The following VTI1A variants were observed in gnomAD, a reference collection of about 807,000 sequenced individuals.
The protein encoded by VTI1A is vesicle transport through interaction with t-SNAREs 1A, also known as vesicle transport through interaction with t-SNAREs homolog 1A.
VTI1A carries 22 observed loss-of-function variants against 34.9 expected under a neutral mutation model. That is an observed-to-expected ratio of 0.63 (90% confidence interval 0.45 to 0.90). VTI1A has a LOEUF of 0.90. Ranked by LOEUF, VTI1A falls within the 40% of genes least tolerant of loss-of-function variation. VTI1A has a pLI of 0.00. For missense variants in VTI1A, 268 were observed against 275.6 expected, an observed-to-expected ratio of 0.97 and a Z score of 0.20; for synonymous variants, 87 against 97.3, an observed-to-expected ratio of 0.89 and a Z score of 0.62.
rs117393156 is a variant in VTI1A at position 112,466,998 on chromosome 10, C to T, written c.264+2341C>T. On this transcript the variant is annotated intron_variant, in intron 3 of 7. Transcript: ENST00000393077. Reference sequence around the variant, plus strand: ...CAGTCGTATTGAATTAAGGCCCACACGAATGACATCATTGTAATGTAATCA... The same window carrying T: ...CAGTCGTATTGAATTAAGGCCCACATGAATGACATCATTGTAATGTAATCA... Among the ~76,000 whole-genome samples the T allele has an allele frequency of 6.8e-3, 1,037 of 152,226 alleles. 5 individuals are homozygous for T. The highest frequency in any genetic ancestry group is 0.011 in the Non-Finnish European group (767 of 68,014).
intron 7 of VTI1A, among the ~76,000 whole-genome samples, chr10:112,698,490 C>T (rs1848873542): frequency 6.6e-6 from 1 of 152,156 alleles, no homozygotes; most frequent in Non-Finnish European, 1.5e-5. Context: ...ATTCTAGCTT[C>T]AGTTTTTTTA....
intron 7 of VTI1A, among the ~76,000 whole-genome samples, chr10:112,758,884 G>A (rs1006341668): frequency 2.0e-5 from 3 of 152,098 alleles, no homozygotes; most frequent in Non-Finnish European, 4.4e-5. Context: ...TCTTCCTTTC[G>A]AAACCAGCCG....
intron 5 of VTI1A, among the ~76,000 whole-genome samples, chr10:112,554,299 C>T (rs1440503364): frequency 6.6e-6 from 1 of 152,156 alleles, no homozygotes; most frequent in Non-Finnish European, 1.5e-5. Flanking sequence ...CCCAGAGGAA[C>T]TTAAGGAAAC....
At chr10:112,653,259 C>T (rs1254067243) in intron 5 of VTI1A, among the ~76,000 whole-genome samples, 1 of 152,162 alleles carries the variant, frequency 6.6e-6, no homozygotes, top group Non-Finnish European at 1.5e-5. Flanking sequence ...ATGTTCCCTG[C>T]CTCCAGACCC....
intron 7 of VTI1A, among the ~76,000 whole-genome samples, chr10:112,796,125 G>A (rs867416121): frequency 2.6e-5 from 4 of 152,262 alleles, no homozygotes; most frequent in Non-Finnish European, 5.9e-5. Context: ...GGGGCCACGC[G>A]CGGTGGCTGC....
At chr10:112,805,930 C>T (rs569438512) in intron 7 of VTI1A, among the ~76,000 whole-genome samples, 3 of 152,296 alleles carry the variant, frequency 2.0e-5, no homozygotes, top group South Asian at 4.2e-4. Context: ...TTTGTTATGC[C>T]GGCCCTAGCA....
chr10:112,655,562 G>A (rs1054210260), intron 5 of VTI1A, among the ~76,000 whole-genome samples: 3 of 152,076 alleles, frequency 2.0e-5, no homozygotes, highest in African/African-American at 7.2e-5. Flanking sequence ...TTTTTTATTA[G>A]GAAGGGGAGG....
In VTI1A at chr10:112,811,712, A is replaced by AAAAAAAAAAAAAAGAT. The variant is rs67154330; in HGVS notation, c.561-3578_561-3577insAAAAAAAAAAAAAGAT. Among the ~76,000 whole-genome samples the AAAAAAAAAAAAAAGAT allele has an allele frequency of 8.3e-4, 70 of 84,044 alleles. 18 individuals carry two copies. The highest frequency in any genetic ancestry group is 2.0e-3 in the African/African-American group (42 of 21,078). The allele number at this position is 84,044 out of a possible 152,430, so 55.1% of individuals were successfully genotyped here. A position where few individuals can be genotyped will look rare whatever the true frequency, so the allele number is the denominator to read the frequency against. On this transcript the variant is annotated intron_variant, in intron 7 of 7. Transcript: ENST00000393077. ...AAAAAAAAAAAAAAAAAAAAAAAAA[A>AAAAAAAAAAAAAAGAT]GAGTGCAGTCCATGCCTGGAAGTAG...
At chr10:112,792,221 G>C (rs920929510) in intron 7 of VTI1A, among the ~76,000 whole-genome samples, 1 of 152,156 alleles carries the variant, frequency 6.6e-6, no homozygotes, top group Non-Finnish European at 1.5e-5. Flanking sequence ...GTTGCAGTGA[G>C]CCGAGATTGT....
chr10:112,484,964 C>CCT (rs1223488016), intron 3 of VTI1A: 2 of 151,526 alleles, frequency 1.3e-5, no homozygotes, highest in Non-Finnish European at 1.5e-5. Flanking sequence ...ATTTCTCTTA[C>CCT]CTAGGAATTA....
intron 5 of VTI1A, among the ~76,000 whole-genome samples, chr10:112,597,828 G>A (rs929295251): frequency 1.1e-4 from 17 of 151,032 alleles, no homozygotes; most frequent in African/African-American, 3.9e-4. Context: ...CTCCCGAGTA[G>A]CCGGGACCAC....
intron 7 of VTI1A, among the ~76,000 whole-genome samples, chr10:112,699,868 C>T (rs185271713): frequency 1.3e-5 from 2 of 151,022 alleles, no homozygotes; most frequent in Non-Finnish European, 2.9e-5. Flanking sequence ...CACCTGTAAT[C>T]CCAGCACTTT....
intron 3 of VTI1A, among the ~76,000 whole-genome samples, chr10:112,512,068 G>A (rs1391617218): frequency 1.3e-5 from 2 of 151,986 alleles, no homozygotes; most frequent in African/African-American, 2.4e-5. Flanking sequence ...CTTTTCCTTT[G>A]GGTAGATACT....
intron 5 of VTI1A, among the ~76,000 whole-genome samples, chr10:112,560,204 A>G (rs1851675764): frequency 6.6e-6 from 1 of 152,174 alleles, no homozygotes; most frequent in South Asian, 2.1e-4. Context: ...GAGAGTTTTT[A>G]TTACTGGATT....
chr10:112,783,079 C>T (rs1273634934), intron 7 of VTI1A, among the ~76,000 whole-genome samples: 1 of 151,966 alleles, frequency 6.6e-6, no homozygotes, highest in African/African-American at 2.4e-5. Flanking sequence ...TACATTTCCT[C>T]TCTCAAGTTG....
At chr10:112,538,370 A>G (rs763409128) in intron 5 of VTI1A, 40 bp downstream of exon 5, 20 of 1,569,532 alleles carry the variant, frequency 1.3e-5, no homozygotes, top group Non-Finnish European at 1.7e-5. Flanking sequence ...TTGCTTATGC[A>G]CAGCAGTCTT....
At chr10:112,519,051 A>G (rs975767760) in intron 3 of VTI1A, among the ~76,000 whole-genome samples, 1 of 152,086 alleles carries the variant, frequency 6.6e-6, no homozygotes, top group African/African-American at 2.4e-5. Context: ...AAGACATTGT[A>G]TATCTCTGAA....
intron 3 of VTI1A, among the ~76,000 whole-genome samples, chr10:112,481,907 T>A (rs1443031822): frequency 6.6e-6 from 1 of 152,288 alleles, no homozygotes; most frequent in East Asian, 1.9e-4. Flanking sequence ...AACTTGATAG[T>A]ACAATTACTA....
At chr10:112,535,706 AG>A (rs1850593916) in intron 4 of VTI1A, among the ~76,000 whole-genome samples, 1 of 152,196 alleles carries the variant, frequency 6.6e-6, no homozygotes, top group South Asian at 2.1e-4. Context: ...TGCTTTGAAA[AG>A]GGCTGAGAAG....
Sources: allele counts gnomAD v4.1 joint callset (sites outside exome capture counted in the v4.1 genomes callset), GRCh38; gene constraint gnomAD v4.1.1; transcripts MANE v1.5; gene names NCBI Gene and HGNC (gene_info 2026-07-23, HGNC 2026-07-21).